Variants in GALNT7 observed in about 807,000 individuals in gnomAD.
GALNT7 encodes polypeptide N-acetylgalactosaminyltransferase 7, also known as N-acetylgalactosaminyltransferase 7.
Under a neutral mutation model 82.1 loss-of-function variants are expected in GALNT7, and 60 were observed. The ratio of observed to expected loss-of-function variants is 0.73; its 90% CI spans 0.59 to 0.91. The LOEUF (loss-of-function observed/expected upper bound fraction) is 0.91. Ranked by LOEUF, GALNT7 falls within the 40% of genes least tolerant of loss-of-function variation. The probability of loss-of-function intolerance (pLI) is 0.00; values close to 1 mark genes in which losing one functional copy is unlikely to be tolerated. For synonymous variants in GALNT7, 243 were observed against 275.1 expected, an observed-to-expected ratio of 0.88 and a Z score of 1.15; for missense variants, 660 against 804.2, an observed-to-expected ratio of 0.82 and a Z score of 2.17.
At chr4:173,253,730 A>G (rs1579957800) in intron 2 of GALNT7, among the ~76,000 whole-genome samples, 1 of 152,280 alleles carries the variant, frequency 6.6e-6, no homozygotes, top group South Asian at 2.1e-4. Context: ...GTTAGGATAG[A>G]ACAGTCCACT....
chr4:173,172,977 T>C (rs1458453864), intron 1 of GALNT7, among the ~76,000 whole-genome samples: 2 of 152,016 alleles, frequency 1.3e-5, no homozygotes, highest in Non-Finnish European at 2.9e-5. Context: ...TATTTGTCTA[T>C]AGAACAGGTA....
At chr4:173,179,592 C>T (rs1313259308) in intron 1 of GALNT7, among the ~76,000 whole-genome samples, 2 of 152,314 alleles carry the variant, frequency 1.3e-5, no homozygotes, top group African/African-American at 4.8e-5. Flanking sequence ...AAAACCAACC[C>T]ATTGATTCTA....
intron 1 of GALNT7, among the ~76,000 whole-genome samples, chr4:173,170,219 G>T (rs964246936): frequency 6.6e-6 from 1 of 152,238 alleles, no homozygotes; most frequent in Non-Finnish European, 1.5e-5. Flanking sequence ...GTAGGAGAGG[G>T]TATGAGGGGC....
chr4:173,299,985 G>A (rs1279202393), intron 6 of GALNT7, among the ~76,000 whole-genome samples: 2 of 152,184 alleles, frequency 1.3e-5, no homozygotes, highest in Non-Finnish European at 2.9e-5. Flanking sequence ...AAAAGCATGA[G>A]AGAACAACTT....
intron 2 of GALNT7, among the ~76,000 whole-genome samples, chr4:173,259,840 G>A (rs1040173403): frequency 2.0e-5 from 3 of 152,080 alleles, no homozygotes; most frequent in Admixed American, 6.5e-5. Flanking sequence ...GTTTTGCCTT[G>A]TTGGCCAGGC....
chr4:173,237,849 G>A (rs74655288), intron 1 of GALNT7, among the ~76,000 whole-genome samples: 3,209 of 152,064 alleles, frequency 0.021, 55 homozygotes, highest in Non-Finnish European at 0.034. Context: ...ATCGAGAAAA[G>A]AGAGAGTCTT....
chr4:173,268,587 G>T (rs554999314), intron 2 of GALNT7, among the ~76,000 whole-genome samples: 2 of 133,472 alleles, frequency 1.5e-5, no homozygotes, highest in East Asian at 2.2e-4. Context: ...TAGCCCAGGC[G>T]TGGCGCCATC....
At chr4:173,214,076 TCAAA>T (rs1174017962) in intron 1 of GALNT7, among the ~76,000 whole-genome samples, 1 of 152,150 alleles carries the variant, frequency 6.6e-6, no homozygotes, top group East Asian at 1.9e-4. Context: ...CAGGCAAACC[TCAAA>T]CAATCTCTGA....
At position 173,323,401 on chromosome 4, in the gene GALNT7, A is replaced by G. The variant is rs1482889848; in HGVS notation, c.*1684A>G. 2 of 152,724 alleles carry G rather than the reference A, an allele frequency of 1.3e-5. No individual in the cohort carries two copies. Among genetic ancestry groups the G allele is most frequent in the South Asian group, 2.1e-4 (1 of 4,828 alleles). The allele number at this position is 152,724 out of a possible 1,614,324, so 9.5% of individuals were successfully genotyped here. A position where few individuals can be genotyped will look rare whatever the true frequency, so the allele number is the denominator to read the frequency against. On this transcript the variant is annotated 3_prime_UTR_variant, in exon 12 of 12. Transcript: ENST00000265000. ...GTATTTTGCTACTGATCTGTGATCAACCATTTTAACTTTCATCTCTAGGGA... is the reference window on the plus strand; with the variant it reads ...GTATTTTGCTACTGATCTGTGATCAGCCATTTTAACTTTCATCTCTAGGGA...
intron 1 of GALNT7, 69 bp downstream of exon 1, chr4:173,169,030 G>C: frequency 6.6e-7 from 1 of 1,512,356 alleles, no homozygotes; most frequent in Non-Finnish European, 9.0e-7. Context: ...CGCGTGTGGA[G>C]GGAGCAGGGG....
At chr4:173,263,257 G>C (rs1735348643) in intron 2 of GALNT7, among the ~76,000 whole-genome samples, 1 of 152,164 alleles carries the variant, frequency 6.6e-6, no homozygotes, top group South Asian at 2.1e-4. Context: ...CTCAGAAAAA[G>C]TTTGTCATCA....
chr4:173,277,258 A>G (rs1471038989), intron 2 of GALNT7, among the ~76,000 whole-genome samples: 1 of 152,236 alleles, frequency 6.6e-6, no homozygotes, highest in Non-Finnish European at 1.5e-5. Flanking sequence ...AGTATCTCAT[A>G]GAACCCAAGG....
rs181792131 is a variant in GALNT7, at chr4:173,317,653, C to G, written c.1628C>G (p.Ala543Gly). 1.4e-5 allele frequency: 23 copies of G among 1,611,060 alleles called. No homozygotes were observed. The East Asian group carries it at 3.6e-4, about 25-fold the overall frequency. Residue 543 changes from alanine to glycine, a missense_variant, in exon 10 of 12, where the codon GCT becomes GGT. Ala to Gly is a moderately conservative substitution (Grantham distance 60, BLOSUM62 0). This residue lies in a region of GALNT7 where 527 missense variants were observed against 683.5 expected (regional missense o/e 0.77). Transcript: ENST00000265000. ...DWGEIRGFET[A>G]YCIDSMGKTN... ...TTTTAGATCAGAGGCTTCGAAACTG[C>G]TTACTGCATTGATAGCATGGGAAAA...
chr4:173,260,018 A>G (rs1735198913), intron 2 of GALNT7, among the ~76,000 whole-genome samples: 1 of 152,232 alleles, frequency 6.6e-6, no homozygotes, highest in South Asian at 2.1e-4. Context: ...AATATCAATC[A>G]TGCTTATTTT....
At chr4:173,321,514 A>G in intron 11 of GALNT7, 66 bp from the exon 12 acceptor site, 1 of 1,120,730 alleles carries the variant, frequency 8.9e-7, no homozygotes, top group Non-Finnish European at 1.3e-6. Flanking sequence ...AAGTCAAGTG[A>G]TGATTTCTGA....
intron 1 of GALNT7, among the ~76,000 whole-genome samples, chr4:173,240,444 C>G (rs1002793038): frequency 6.8e-6 from 1 of 146,500 alleles, no homozygotes; most frequent in Non-Finnish European, 1.5e-5. Flanking sequence ...TCTCAGCTCA[C>G]TGCAACCTCT....
chr4:173,258,123 G>A (rs1026548352), intron 2 of GALNT7, among the ~76,000 whole-genome samples: 3 of 152,242 alleles, frequency 2.0e-5, no homozygotes, highest in African/African-American at 7.2e-5. Flanking sequence ...TAAGAAAGCA[G>A]CCTTGGGTAT....
At chr4:173,178,404 G>C (rs898684159) in intron 1 of GALNT7, among the ~76,000 whole-genome samples, 1 of 152,074 alleles carries the variant, frequency 6.6e-6, no homozygotes, top group Non-Finnish European at 1.5e-5. Context: ...TTATAGTTCA[G>C]CCCTGTGATC....
chr4:173,183,633 G>A (rs900634446), intron 1 of GALNT7, among the ~76,000 whole-genome samples: 1 of 152,094 alleles, frequency 6.6e-6, no homozygotes, highest in East Asian at 1.9e-4. Flanking sequence ...AACCGCCATC[G>A]TCATCATGGC....
Sources: allele counts gnomAD v4.1 joint callset (sites outside exome capture counted in the v4.1 genomes callset), GRCh38; gene constraint gnomAD v4.1.1; regional missense constraint gnomAD v4.1.1; transcripts MANE v1.5; gene names NCBI Gene and HGNC (gene_info 2026-07-23, HGNC 2026-07-21).